The following EPHB1 variants were observed in gnomAD, a reference collection of about 807,000 sequenced individuals.
The protein encoded by EPHB1 is EPH receptor B1.
In EPHB1, 30 loss-of-function variants were observed where a neutral mutation model predicts 94.4. The ratio of observed to expected loss-of-function variants is 0.32; its 90% CI spans 0.24 to 0.43. EPHB1 has a LOEUF of 0.43. Ranked by LOEUF, EPHB1 falls within the 20% of genes least tolerant of loss-of-function variation. The pLI is 1.00. For missense variants in EPHB1, 1,055 were observed against 1,308.3 expected, an observed-to-expected ratio of 0.81 and a Z score of 2.99; for synonymous variants, 522 against 489.1, an observed-to-expected ratio of 1.07 and a Z score of -0.89.
At chr3:135,041,689 T>A (rs2107766234) in intron 3 of EPHB1, among the ~76,000 whole-genome samples, 1 of 152,332 alleles carries the variant, frequency 6.6e-6, no homozygotes, top group Non-Finnish European at 1.5e-5. Flanking sequence ...TATAAGTACG[T>A]CCCTGTTTTA....
intron 3 of EPHB1, among the ~76,000 whole-genome samples, chr3:135,060,205 GTGACC>G (rs1208733230): frequency 6.6e-6 from 1 of 152,132 alleles, no homozygotes; most frequent in African/African-American, 2.4e-5. Flanking sequence ...CTCAGCCCTG[GTGACC>G]ATTGATCCAC....
chr3:134,921,812 C>A (rs1010238859), intron 1 of EPHB1, among the ~76,000 whole-genome samples: 2 of 152,194 alleles, frequency 1.3e-5, no homozygotes, highest in African/African-American at 4.8e-5. Flanking sequence ...CCCTCATAAT[C>A]CTGCCTACTA....
At chr3:134,896,467 G>A (rs555451820) in intron 1 of EPHB1, among the ~76,000 whole-genome samples, 1 of 152,306 alleles carries the variant, frequency 6.6e-6, no homozygotes, top group African/African-American at 2.4e-5. Flanking sequence ...CCCAATAATG[G>A]TTGCTCTTGT....
intron 3 of EPHB1, among the ~76,000 whole-genome samples, chr3:135,009,766 C>T (rs1935555651): frequency 6.6e-6 from 1 of 152,200 alleles, no homozygotes; most frequent in African/African-American, 2.4e-5. Context: ...TTACCTTTTA[C>T]TTCAAATTTA....
intron 3 of EPHB1, among the ~76,000 whole-genome samples, chr3:134,999,416 T>C (rs1015386033): frequency 6.6e-6 from 1 of 152,078 alleles, no homozygotes; most frequent in East Asian, 1.9e-4. Context: ...AAATCAGATA[T>C]GAGGAGAGAA....
intron 10 of EPHB1, 54 bp downstream of exon 10, chr3:135,180,036 T>A: frequency 6.2e-7 from 1 of 1,606,884 alleles, no homozygotes; most frequent in African/African-American, 1.3e-5. Flanking sequence ...ACATCTTCTT[T>A]CCACCACCCT....
chr3:134,827,245 G>T (rs941451642), intron 1 of EPHB1, among the ~76,000 whole-genome samples: 11 of 152,208 alleles, frequency 7.2e-5, no homozygotes, highest in African/African-American at 2.4e-4. Context: ...GATCTGGCCA[G>T]GTTTCTCTAA....
At chr3:135,227,763 TAAAG>T (rs369907981) in intron 12 of EPHB1, among the ~76,000 whole-genome samples, 6 of 152,308 alleles carry the variant, frequency 3.9e-5, no homozygotes, top group African/African-American at 9.6e-5. Flanking sequence ...ATGTCAAACT[TAAAG>T]AAAGTTCCCA....
At chr3:135,165,872 A>G (rs1941639043) in intron 7 of EPHB1, 96 bp from the exon 8 acceptor site, 5 of 820,312 alleles carry the variant, frequency 6.1e-6, no homozygotes, top group Non-Finnish European at 1.0e-5. Context: ...CTCTACATAT[A>G]TGTATATTTA....
chr3:135,180,053 T>C (rs942253748), intron 10 of EPHB1, 71 bp downstream of exon 10: 2 of 1,577,016 alleles, frequency 1.3e-6, no homozygotes, highest in Middle Eastern at 1.7e-4. Flanking sequence ...CCCTAGATGG[T>C]CTCTTTCAGT....
intron 5 of EPHB1, among the ~76,000 whole-genome samples, chr3:135,151,631 C>T (rs1401688605): frequency 6.6e-6 from 1 of 152,128 alleles, no homozygotes; most frequent in African/African-American, 2.4e-5. Flanking sequence ...ACTATGGTGC[C>T]TCTAGAACCT....
intron 3 of EPHB1, among the ~76,000 whole-genome samples, chr3:135,101,531 G>A (rs530288587): frequency 3.3e-5 from 5 of 151,498 alleles, no homozygotes; most frequent in East Asian, 1.9e-4. Flanking sequence ...ATGCCATGAC[G>A]CCCAGCTAAT....
intron 3 of EPHB1, among the ~76,000 whole-genome samples, chr3:134,994,855 A>G (rs1379759693): frequency 6.6e-6 from 1 of 152,216 alleles, no homozygotes; most frequent in Non-Finnish European, 1.5e-5. Context: ...ATTAAGAAAA[A>G]CCCATTTACC....
intron 12 of EPHB1, among the ~76,000 whole-genome samples, chr3:135,240,328 G>T (rs562098911): frequency 2.1e-4 from 32 of 152,294 alleles, no homozygotes; most frequent in Non-Finnish European, 4.1e-4. Flanking sequence ...ATGGATGAAT[G>T]AGTGGATAGA....
chr3:135,129,926 G>A (rs1474775048), intron 4 of EPHB1, among the ~76,000 whole-genome samples: 1 of 152,168 alleles, frequency 6.6e-6, no homozygotes, highest in African/African-American at 2.4e-5. Context: ...GCCAAAATAT[G>A]AGGGGTGAAG....
intron 3 of EPHB1, among the ~76,000 whole-genome samples, chr3:135,059,753 G>A (rs1443331562): frequency 6.6e-6 from 1 of 152,194 alleles, no homozygotes; most frequent in East Asian, 1.9e-4. Context: ...AACTCCTGGG[G>A]AACTTGAACA....
chr3:135,017,754 G>T (rs1261228836), intron 3 of EPHB1, among the ~76,000 whole-genome samples: 1 of 152,210 alleles, frequency 6.6e-6, no homozygotes, highest in Admixed American at 6.5e-5. Flanking sequence ...GGCACTGGGC[G>T]TGTCTTTTTC....
At chr3:134,903,777 T>C (rs907865393) in intron 1 of EPHB1, among the ~76,000 whole-genome samples, 2 of 152,178 alleles carry the variant, frequency 1.3e-5, no homozygotes, top group Admixed American at 1.3e-4. Context: ...AGGAAAGATT[T>C]GTGAAGTTAT....
chr3:135,255,928 A>T (rs1458985748), intron 15 of EPHB1, among the ~76,000 whole-genome samples: 3 of 147,862 alleles, frequency 2.0e-5, no homozygotes, highest in Non-Finnish European at 4.5e-5. Flanking sequence ...TATATTTAGG[A>T]TAGTTAGCTC....
Sources: allele counts gnomAD v4.1 joint callset (sites outside exome capture counted in the v4.1 genomes callset), GRCh38; gene constraint gnomAD v4.1.1; transcripts MANE v1.5; gene names NCBI Gene and HGNC (gene_info 2026-07-23, HGNC 2026-07-21).